The following PEAK1 variants were observed in gnomAD, a reference collection of about 807,000 sequenced individuals.
PEAK1 encodes inactive tyrosine-protein kinase PEAK1.
PEAK1 carries 54 observed loss-of-function variants against 124.7 expected under a neutral mutation model. The observed-to-expected ratio is 0.43, with a 90% confidence interval of 0.35 to 0.54. PEAK1 has a LOEUF of 0.54. Among genes scored for constraint, PEAK1 ranks in the 20% least tolerant of loss-of-function variants. The pLI is 0.01. For synonymous variants in PEAK1, 719 were observed against 760.0 expected (o/e 0.95, Z 0.89); for missense variants, 2,046 against 2,134.5 (o/e 0.96, Z 0.82).
At chr15:77,327,127 C>T (rs1012138912) in intron 2 of PEAK1, among the ~76,000 whole-genome samples, 3 of 151,978 alleles carry the variant, frequency 2.0e-5, no homozygotes, top group African/African-American at 7.2e-5. Flanking sequence ...TTTGAAAAGA[C>T]CATAAATGAG....
chr15:77,176,784 C>T (rs1310259417), intron 7 of PEAK1, among the ~76,000 whole-genome samples: 1 of 152,162 alleles, frequency 6.6e-6, no homozygotes, highest in South Asian at 2.1e-4. Context: ...AGTCTCTTTC[C>T]ACAGAAAGAA....
At chr15:77,196,931 C>G (rs2058133183) in intron 6 of PEAK1, among the ~76,000 whole-genome samples, 1 of 152,066 alleles carries the variant, frequency 6.6e-6, no homozygotes, top group Non-Finnish European at 1.5e-5. Flanking sequence ...CTCACTGCAG[C>G]CTCGACCTCC....
At chr15:77,388,960 A>AT (rs751451938) in intron 1 of PEAK1, among the ~76,000 whole-genome samples, 6,864 of 121,672 alleles carry the variant, frequency 0.056, 516 homozygotes, top group African/African-American at 0.17. Flanking sequence ...TCTTTTGCTT[A>AT]TTTTTTTTTT....
chr15:77,276,237 G>C (rs1597062933), intron 5 of PEAK1, among the ~76,000 whole-genome samples: 1 of 152,126 alleles, frequency 6.6e-6, no homozygotes, highest in African/African-American at 2.4e-5. Flanking sequence ...GATTCAAGAA[G>C]ACAAGTAAAC....
chr15:77,239,354 A>G (rs975016855), intron 6 of PEAK1, among the ~76,000 whole-genome samples: 8 of 151,942 alleles, frequency 5.3e-5, no homozygotes, highest in Non-Finnish European at 1.2e-4. Flanking sequence ...CAAGGGTAAG[A>G]AACACTGGTA....
At chr15:77,380,362 C>CT (rs1467749084) in intron 1 of PEAK1, among the ~76,000 whole-genome samples, 1 of 152,194 alleles carries the variant, frequency 6.6e-6, no homozygotes, top group Non-Finnish European at 1.5e-5. Context: ...TCTGGTGGTA[C>CT]TGATCAGTGC....
At chr15:77,177,059 T>G (rs1179442335) in intron 7 of PEAK1, among the ~76,000 whole-genome samples, 1 of 152,110 alleles carries the variant, frequency 6.6e-6, no homozygotes, top group Admixed American at 6.6e-5. Context: ...CCGGTTCAAG[T>G]GATTCTCTTG....
chr15:77,133,245 T>C lies in PEAK1; in HGVS notation c.3837A>G (p.Gly1279=). 1 of 1,614,228 alleles carries C rather than the reference T, an allele frequency of 6.2e-7. No individual in the cohort carries two copies. The highest frequency in any genetic ancestry group is 8.5e-7 in the Non-Finnish European group (1 of 1,180,036). ...CCACTACTTCCTCCCGATTCTCAAG[T>C]CCTCGATAAAGTGCTTGTCTCTGCG... ...QKPQRQALYR[G]LENREEVVGK... is the part of the protein sequence containing the mutation. Residue 1279 remains glycine, a synonymous_variant, in exon 9 of 10, where the codon GGA becomes GGG. Coordinates refer to ENST00000682557, the MANE Select transcript of PEAK1 (RefSeq NM_001385026.1). This position sits in a 1 kb window ranked among gnomAD's most constrained non-coding sequence, Gnocchi z 4.2.
chr15:77,222,912 G>A (rs1323111101), intron 6 of PEAK1, among the ~76,000 whole-genome samples: 1 of 151,972 alleles, frequency 6.6e-6, no homozygotes, highest in African/African-American at 2.4e-5. Flanking sequence ...AGGTAACAAG[G>A]ACAACTCTTT....
At position 77,179,644 on chromosome 15, in the gene PEAK1, C is replaced by G. The variant is rs748636743; in HGVS notation, c.2283G>C (p.Glu761Asp). 1.2e-6 allele frequency: 2 copies of G among 1,614,088 alleles called. No homozygotes were observed. The highest frequency in any genetic ancestry group is 2.2e-5 in the South Asian group (2 of 91,078). ...SQMVGSSSTR[E>D]KASTVLSQIV... ...TCTGAGAAAGCACTGTGCTTGCTTT[C>G]TCTCTGGTGCTGCTGCTGCCCACCA... Residue 761 changes from glutamate (E) to aspartate (D), a missense_variant, in exon 7 of 10, where the codon GAG becomes GAC. Glu to Asp is a conservative substitution (Grantham distance 45). Coordinates refer to ENST00000682557, the MANE Select transcript of PEAK1 (RefSeq NM_001385026.1).
At chr15:77,231,497 G>A (rs1202443158) in intron 6 of PEAK1, among the ~76,000 whole-genome samples, 3 of 152,130 alleles carry the variant, frequency 2.0e-5, no homozygotes, top group Non-Finnish European at 2.9e-5. Flanking sequence ...AGAACAAGTT[G>A]CACTTGCAGA....
intron 6 of PEAK1, among the ~76,000 whole-genome samples, chr15:77,228,081 G>A (rs954108651): frequency 1.3e-5 from 2 of 151,658 alleles, no homozygotes; most frequent in East Asian, 1.9e-4. Flanking sequence ...CAACATATAA[G>A]GTATTTTACT....
rs566759900 is a variant in PEAK1, at chr15:77,258,613, T to A, written c.-274-6087A>T. On this transcript the variant is annotated intron_variant, in intron 5 of 9. Coordinates refer to ENST00000682557, the MANE Select transcript of PEAK1 (RefSeq NM_001385026.1). ...CTTTGCTGAAGTTGCTTATCAGCTT[T>A]AGGAGATTTTGGGCTGAGACAATGG... Among the ~76,000 whole-genome samples, 491 of 152,294 alleles carry A rather than the reference T, an allele frequency of 3.2e-3. 4 individuals are homozygous for A. The highest frequency in any genetic ancestry group is 0.011 in the African/African-American group (461 of 41,550).
intron 8 of PEAK1, among the ~76,000 whole-genome samples, chr15:77,151,175 T>C (rs971139625): frequency 1.2e-4 from 18 of 152,076 alleles, no homozygotes; most frequent in Non-Finnish European, 2.5e-4. Context: ...CCAGCACCTG[T>C]TGTTTCCTGA....
chr15:77,203,819 A>G (rs1023531214), intron 6 of PEAK1, among the ~76,000 whole-genome samples: 3 of 152,206 alleles, frequency 2.0e-5, no homozygotes, highest in Admixed American at 6.5e-5. Context: ...CTCCTAAATG[A>G]TAACATAGGA....
At chr15:77,267,253 C>T (rs537835217) in intron 5 of PEAK1, among the ~76,000 whole-genome samples, 1 of 152,132 alleles carries the variant, frequency 6.6e-6, no homozygotes, top group Non-Finnish European at 1.5e-5. Flanking sequence ...ACACACCTAA[C>T]CCTGTCCACA....
rs1251873132 is a variant in PEAK1, at chr15:77,268,742, A to G, written c.-275+15141T>C. Among the ~76,000 whole-genome samples, 3 of 152,164 alleles carry G rather than the reference A, an allele frequency of 2.0e-5. No homozygotes were observed. The East Asian group carries it at 5.8e-4, about 29-fold the overall frequency. On this transcript the variant is annotated intron_variant, in intron 5 of 9. Coordinates refer to ENST00000682557, the MANE Select transcript of PEAK1 (RefSeq NM_001385026.1). ...GTTATCTAAAATCAAGATGAAGGAA[A>G]GAATCTTAACAGCTGTGAGGCAAAA...
rs2069468572 is a variant in PEAK1, at chr15:77,381,397, G to C, written c.-665-16172C>G. The C allele has an allele frequency of 7.0e-6, 6 of 858,734 alleles. No individual in the cohort carries two copies. In the South Asian group the frequency reaches 3.2e-4, roughly 46 times the overall value. The allele number at this position is 858,734 out of a possible 1,614,324, so 53.2% of individuals were successfully genotyped here. A position where few individuals can be genotyped will look rare whatever the true frequency, so the allele number is the denominator to read the frequency against. On this transcript the variant is annotated intron_variant, in intron 1 of 9. Coordinates refer to ENST00000682557, the MANE Select transcript of PEAK1 (RefSeq NM_001385026.1). ...GCCTGTGAATAGCCACTGCACTTCA[G>C]TTTGGGCAACATAGTGAGACCCTGT...
intron 6 of PEAK1, among the ~76,000 whole-genome samples, chr15:77,230,918 T>C (rs796324645): frequency 2.5e-4 from 38 of 152,094 alleles, no homozygotes; most frequent in African/African-American, 8.7e-4. Context: ...GTAGTACTAG[T>C]ATGAAGAAGT....
Sources: gnomAD v4.1 joint callset for allele counts (sites outside exome capture counted in the v4.1 genomes callset) on GRCh38, gnomAD v4.1.1 for gene constraint, Gnocchi (gnomAD v3.1) non-coding constraint, MANE v1.5 for transcripts, NCBI Gene and HGNC (gene_info 2026-07-23, HGNC 2026-07-21) for gene names.